TFEC: variants seen among roughly 807,000 people sequenced by gnomAD.
TFEC encodes class E basic helix-loop-helix protein 34.
A neutral mutation model predicts 41.6 loss-of-function variants in TFEC; 31 were observed. The observed-to-expected ratio is 0.74, with a 90% confidence interval of 0.56 to 1.01. The LOEUF (loss-of-function observed/expected upper bound fraction) is 1.01. TFEC is among the 50% of genes least tolerant of loss of function. The pLI, the probability that TFEC is intolerant of heterozygous loss-of-function variation, is 0.00. For synonymous variants in TFEC, 143 were observed against 140.6 expected (o/e 1.02, Z -0.12); for missense variants, 402 against 404.1 (o/e 0.99, Z 0.04).
chr7:116,036,039 C>A (rs1031302957), intron 3 of TFEC, among the ~76,000 whole-genome samples: 3 of 151,872 alleles, frequency 2.0e-5, no homozygotes, highest in African/African-American at 7.3e-5. Context: ...TTAAATTTCA[C>A]AAAACCAAAA....
chr7:115,974,417 T>TATATATAC (rs1554391809), intron 2 of TFEC, among the ~76,000 whole-genome samples, 161 bp from the exon 3 acceptor site: 1 of 40,958 alleles, frequency 2.4e-5, no homozygotes, highest in African/African-American at 8.1e-5. Context: ...TATATATATA[T>TATATATAC]ATATATATAT....
At chr7:115,967,975 C>A (rs918784000) in intron 3 of TFEC, among the ~76,000 whole-genome samples, 1 of 151,606 alleles carries the variant, frequency 6.6e-6, no homozygotes, top group South Asian at 2.1e-4. Context: ...ACTAAATATA[C>A]TGTTATAATT....
chr7:116,088,715 T>A (rs1797256513), intron 3 of TFEC, among the ~76,000 whole-genome samples: 1 of 152,098 alleles, frequency 6.6e-6, no homozygotes. Flanking sequence ...ATGAGAAGCT[T>A]AACATTCACA....
At chr7:116,042,817 A>G (rs1468778498) in intron 3 of TFEC, among the ~76,000 whole-genome samples, 1 of 152,286 alleles carries the variant, frequency 6.6e-6, no homozygotes, top group African/African-American at 2.4e-5. Flanking sequence ...CAATGGGGAA[A>G]TTGCTGAATA....
At chr7:116,001,794 CTA>C (rs1794607351) in intron 1 of TFEC, among the ~76,000 whole-genome samples, 1 of 151,818 alleles carries the variant, frequency 6.6e-6, no homozygotes, top group Admixed American at 6.6e-5. Context: ...CTCAAACACT[CTA>C]TAGAAAAAAA....
intron 3 of TFEC, among the ~76,000 whole-genome samples, chr7:116,099,658 A>C (rs1011005641): frequency 6.6e-6 from 1 of 152,190 alleles, no homozygotes; most frequent in Non-Finnish European, 1.5e-5. Flanking sequence ...TTAAAATATC[A>C]ATCTCCAGGA....
chr7:115,940,477 T>G lies in TFEC; in HGVS notation c.*74A>C. On this transcript the variant is annotated 3_prime_UTR_variant, in exon 8 of 8. Transcript: ENST00000265440. Reference sequence around the variant, plus strand: ...AAAAAAAATAAGCCAAAGCAACATATGAAACACAGAGCATAATTGCATAGC... The same window carrying G: ...AAAAAAAATAAGCCAAAGCAACATAGGAAACACAGAGCATAATTGCATAGC... The G allele has an allele frequency of 6.8e-7, 1 of 1,465,412 alleles. No homozygotes were observed. 90.8% of individuals were successfully genotyped at this position (1,465,412 alleles called of 1,614,324 possible).
chr7:116,034,836 T>C (rs960424875), upstream of TFEC, among the ~76,000 whole-genome samples: 2 of 151,938 alleles, frequency 1.3e-5, no homozygotes, highest in South Asian at 4.1e-4. Context: ...CTTAAAATGG[T>C]GTCTAAGGTC....
chr7:115,998,925 T>G (rs1282811116), intron 1 of TFEC, among the ~76,000 whole-genome samples: 1 of 151,966 alleles, frequency 6.6e-6, no homozygotes, highest in Non-Finnish European at 1.5e-5. Flanking sequence ...GAAGAGATCA[T>G]CCACACAGAA....
chr7:116,048,128 T>G (rs1411961574), intron 3 of TFEC, among the ~76,000 whole-genome samples: 2 of 151,976 alleles, frequency 1.3e-5, no homozygotes, highest in African/African-American at 2.4e-5. Flanking sequence ...CAAAGCTGGA[T>G]GGAGACGAAC....
intron 1 of TFEC, among the ~76,000 whole-genome samples, chr7:116,123,487 G>C (rs1250310820): frequency 6.6e-6 from 1 of 151,856 alleles, no homozygotes; most frequent in Non-Finnish European, 1.5e-5. Flanking sequence ...CTGAAATAGT[G>C]GGTTTAAACA....
At chr7:116,055,002 T>C (rs1006455565) in intron 3 of TFEC, among the ~76,000 whole-genome samples, 5 of 152,266 alleles carry the variant, frequency 3.3e-5, no homozygotes, top group African/African-American at 1.2e-4. Flanking sequence ...TATGGCATTT[T>C]GTAAAAGCAA....
intron 1 of TFEC, among the ~76,000 whole-genome samples, chr7:116,116,961 T>G (rs1028345367): frequency 7.9e-5 from 12 of 151,884 alleles, no homozygotes; most frequent in African/African-American, 2.9e-4. Flanking sequence ...TAATAGTTGT[T>G]TTTTCTTTCA....
chr7:116,029,468 TTCTG>T (rs1411462387), intron 1 of TFEC, among the ~76,000 whole-genome samples: 1 of 152,172 alleles, frequency 6.6e-6, no homozygotes, highest in African/African-American at 2.4e-5. Context: ...CTGACACACT[TTCTG>T]AATACGAAAG....
At chr7:115,948,040 C>A (rs913148110) in intron 6 of TFEC, among the ~76,000 whole-genome samples, 1 of 152,124 alleles carries the variant, frequency 6.6e-6, no homozygotes, top group African/African-American at 2.4e-5. Context: ...CACAGAAATA[C>A]AAACTACCAT....
At chr7:115,994,531 C>T (rs1052087584) in intron 1 of TFEC, among the ~76,000 whole-genome samples, 4 of 152,116 alleles carry the variant, frequency 2.6e-5, no homozygotes, top group African/African-American at 9.7e-5. Flanking sequence ...ACAACCCCAT[C>T]AAAAAGTGGG....
intron 1 of TFEC, among the ~76,000 whole-genome samples, chr7:116,137,901 T>C (rs1798464504): frequency 6.6e-6 from 1 of 151,946 alleles, no homozygotes; most frequent in African/African-American, 2.4e-5. Context: ...TAAATAATTA[T>C]AAATTTGAAT....
chr7:116,070,782 T>G (rs1335526705), intron 3 of TFEC, among the ~76,000 whole-genome samples: 1 of 151,366 alleles, frequency 6.6e-6, no homozygotes, highest in East Asian at 1.9e-4. Flanking sequence ...TATACAACTT[T>G]AATAAAATCA....
chr7:116,113,031 G>A (rs1349494593), intron 1 of TFEC, among the ~76,000 whole-genome samples: 2 of 151,904 alleles, frequency 1.3e-5, no homozygotes, highest in East Asian at 3.9e-4. Context: ...AATTCACTAG[G>A]AGATAGGGAG....
Sources: allele counts gnomAD v4.1 joint callset (sites outside exome capture counted in the v4.1 genomes callset), GRCh38; gene constraint gnomAD v4.1.1; transcripts MANE v1.5; gene names NCBI Gene and HGNC (gene_info 2026-07-23, HGNC 2026-07-21).